Variants in SYN3 observed in about 807,000 individuals in gnomAD.
The protein encoded by SYN3 is synapsin-3.
Under a neutral mutation model 65.8 loss-of-function variants are expected in SYN3, and 35 were observed. That is an observed-to-expected ratio of 0.53 (90% CI 0.41 to 0.70). SYN3 has a LOEUF of 0.70. Among genes scored for constraint, SYN3 ranks in the 30% least tolerant of loss-of-function variants. SYN3 has a pLI of 0.00. For synonymous variants in SYN3, 270 were observed against 292.9 expected (o/e 0.92, Z 0.80); for missense variants, 680 against 749.0 (o/e 0.91, Z 1.08).
At position 32,656,455 on chromosome 22, in the gene SYN3, C is replaced by T. The variant is rs371268964; in HGVS notation, c.712-59719G>A. ...CTGTATCAGGATAGTGCTTTTGAAA[C>T]ATGATGCAGAAAGAGCTCTCCTTTG... On this transcript the variant is annotated intron_variant, in intron 6 of 13. Transcript: ENST00000358763. Among the ~76,000 whole-genome samples the T allele has an allele frequency of 7.2e-5, 11 of 152,318 alleles. No individual in the cohort carries two copies. In the East Asian group the frequency reaches 1.5e-3, roughly 21 times the overall value.
intron 6 of SYN3, among the ~76,000 whole-genome samples, chr22:32,849,259 T>A (rs557194194): frequency 6.6e-6 from 1 of 152,294 alleles, no homozygotes. Context: ...ATGGTGGCTG[T>A]TTCTTTTTCC....
In SYN3 at chr22:32,794,700, G is replaced by A. The variant is rs1018310754; in HGVS notation, c.711+70215C>T. Among the ~76,000 whole-genome samples, 8 of 152,296 alleles carry A rather than the reference G, an allele frequency of 5.3e-5. No individual in the cohort carries two copies. In the East Asian group the frequency reaches 9.7e-4, roughly 18 times the overall value. ...GTGCGAGGTGCCAAGCTGGAAGCCC[G>A]GAGGACCCAGTGTGGGTGGGAGGTG... On this transcript the variant is annotated intron_variant, in intron 6 of 13. Transcript: ENST00000358763.
intron 7 of SYN3, among the ~76,000 whole-genome samples, chr22:32,547,731 C>G (rs377738806): frequency 6.6e-6 from 1 of 152,198 alleles, no homozygotes; most frequent in Non-Finnish European, 1.5e-5. Context: ...TGGGTTTTGG[C>G]TCAGAGGTCT....
chr22:32,928,706 G>A (rs151156767), intron 4 of SYN3, among the ~76,000 whole-genome samples: 127 of 152,002 alleles, frequency 8.4e-4, no homozygotes, highest in African/African-American at 2.8e-3. Context: ...TCGGTGGTTT[G>A]GTATCTTTCC....
chr22:32,905,477 C>T (rs1054701611), intron 4 of SYN3, among the ~76,000 whole-genome samples: 3 of 152,208 alleles, frequency 2.0e-5, no homozygotes, highest in Non-Finnish European at 4.4e-5. Context: ...ACCCTCCACC[C>T]TGCCTCAAAT....
intron 6 of SYN3, among the ~76,000 whole-genome samples, chr22:32,852,827 AG>A (rs148288311): frequency 6.1e-4 from 93 of 152,318 alleles, no homozygotes; most frequent in African/African-American, 2.2e-3. Flanking sequence ...TGTGGGGTGA[AG>A]GTGAAAGTTT....
At chr22:32,664,355 T>C (rs2060259166) in intron 6 of SYN3, among the ~76,000 whole-genome samples, 2 of 152,192 alleles carry the variant, frequency 1.3e-5, no homozygotes, top group Admixed American at 1.3e-4. Flanking sequence ...GGCCAGCACT[T>C]GGTTAAAAGT....
intron 2 of SYN3, among the ~76,000 whole-genome samples, chr22:32,983,522 C>T (rs932253080): frequency 3.3e-5 from 5 of 152,186 alleles, no homozygotes; most frequent in African/African-American, 1.2e-4. Flanking sequence ...GATATTAGCA[C>T]CACTTTTTCT....
intron 4 of SYN3, among the ~76,000 whole-genome samples, chr22:32,888,547 G>T (rs763569422): frequency 5.9e-5 from 9 of 152,098 alleles, no homozygotes; most frequent in Non-Finnish European, 1.3e-4. Context: ...ATTATAATTT[G>T]TATTTTCATT....
At chr22:32,853,765 T>C (rs548461272) in intron 6 of SYN3, among the ~76,000 whole-genome samples, 8 of 152,340 alleles carry the variant, frequency 5.3e-5, no homozygotes, top group African/African-American at 1.9e-4. Flanking sequence ...AGCTAACTTT[T>C]ATTGAATGTT....
At chr22:32,963,113 A>C (rs951878444) in intron 3 of SYN3, among the ~76,000 whole-genome samples, 2 of 149,452 alleles carry the variant, frequency 1.3e-5, no homozygotes, top group African/African-American at 4.9e-5. Context: ...GTCTCACTCC[A>C]TCACCCAGGC....
intron 6 of SYN3, among the ~76,000 whole-genome samples, chr22:32,792,397 G>A (rs1418593476): frequency 6.6e-6 from 1 of 152,092 alleles, no homozygotes; most frequent in Non-Finnish European, 1.5e-5. Flanking sequence ...ATTTACTCAA[G>A]GTCACACAGC....
intron 6 of SYN3, among the ~76,000 whole-genome samples, chr22:32,641,435 T>C (rs920786300): frequency 6.6e-6 from 1 of 151,564 alleles, no homozygotes; most frequent in African/African-American, 2.4e-5. Context: ...GGTGAAACCC[T>C]GTCTCTACTA....
intron 3 of SYN3, among the ~76,000 whole-genome samples, chr22:32,935,689 C>T (rs564165842): frequency 2.0e-5 from 3 of 152,056 alleles, no homozygotes; most frequent in Admixed American, 6.5e-5. Context: ...GACCTCAGGG[C>T]GATCCACCCG....
intron 1 of SYN3, among the ~76,000 whole-genome samples, chr22:33,023,104 T>C (rs760978964): frequency 3.9e-5 from 6 of 152,170 alleles, no homozygotes; most frequent in East Asian, 1.9e-4. Flanking sequence ...AATCCCACCA[T>C]TTTGAGAGGC....
At chr22:32,690,230 C>T (rs916204) in intron 6 of SYN3, among the ~76,000 whole-genome samples, 33,635 of 151,966 alleles carry the variant, frequency 0.22, 5,678 homozygotes, top group East Asian at 0.62. Flanking sequence ...TGTGGAGATA[C>T]AGCTAGAAGG....
chr22:32,814,127 T>C (rs1339739220), intron 6 of SYN3, among the ~76,000 whole-genome samples: 1 of 137,848 alleles, frequency 7.3e-6, no homozygotes, highest in Non-Finnish European at 1.5e-5. Context: ...TGTGTGTGTG[T>C]GTGTGTGTGT....
intron 6 of SYN3, among the ~76,000 whole-genome samples, chr22:32,674,800 TC>T (rs1366376001): frequency 6.6e-6 from 1 of 151,774 alleles, no homozygotes; most frequent in South Asian, 2.1e-4. Context: ...ACTTTCATTG[TC>T]ATCATCAGCA....
chr22:32,747,769 AC>A (rs1481606152), intron 6 of SYN3, among the ~76,000 whole-genome samples: 1 of 152,200 alleles, frequency 6.6e-6, no homozygotes, highest in Non-Finnish European at 1.5e-5. Context: ...GAGCTCATGC[AC>A]CAGTGTCAGT....
Sources: gnomAD v4.1 joint callset for allele counts (sites outside exome capture counted in the v4.1 genomes callset) on GRCh38, gnomAD v4.1.1 for gene constraint, MANE v1.5 for transcripts, NCBI Gene and HGNC (gene_info 2026-07-23, HGNC 2026-07-21) for gene names.